MTA3: variants seen among roughly 807,000 people sequenced by gnomAD.
MTA3 encodes the protein metastasis-associated protein MTA3.
Under a neutral mutation model 83.5 loss-of-function variants are expected in MTA3, and 34 were observed. That is an observed-to-expected ratio of 0.41 (90% CI 0.31 to 0.54). The LOEUF (loss-of-function observed/expected upper bound fraction) is 0.54. Ranked by LOEUF, MTA3 falls within the 20% of genes least tolerant of loss-of-function variation. MTA3 has a pLI of 0.33. For missense variants in MTA3, 761 were observed against 726.4 expected, an observed-to-expected ratio of 1.05 and a Z score of -0.55; for synonymous variants, 303 against 252.7, an observed-to-expected ratio of 1.20 and a Z score of -1.89.
At chr2:42,694,199 C>T (rs1293086835) in intron 9 of MTA3, among the ~76,000 whole-genome samples, 12 of 152,058 alleles carry the variant, frequency 7.9e-5, no homozygotes, top group Non-Finnish European at 1.5e-4. Flanking sequence ...CATTTTTGCC[C>T]CTGAGCTGTA....
chr2:42,544,916 C>G (rs902129037), intron 2 of MTA3, among the ~76,000 whole-genome samples: 2 of 152,128 alleles, frequency 1.3e-5, no homozygotes, highest in African/African-American at 4.8e-5. Flanking sequence ...CCTGTAAGGA[C>G]AACTTCACAG....
At chr2:42,608,203 T>C (rs1683736532) in intron 3 of MTA3, among the ~76,000 whole-genome samples, 1 of 152,204 alleles carries the variant, frequency 6.6e-6, no homozygotes, top group African/African-American at 2.4e-5. Context: ...TTCAGTTAGC[T>C]GTGTCTTATA....
At chr2:42,667,570 T>TTATGTGTA (rs770325715) in intron 8 of MTA3, among the ~76,000 whole-genome samples, 1 of 145,010 alleles carries the variant, frequency 6.9e-6, no homozygotes, top group South Asian at 2.2e-4. Flanking sequence ...CATTTAAAAA[T>TTATGTGTA]TGTGTGTGTG....
intron 3 of MTA3, among the ~76,000 whole-genome samples, chr2:42,592,316 G>C (rs932183101): frequency 1.3e-5 from 2 of 152,034 alleles, no homozygotes; most frequent in African/African-American, 4.8e-5. Flanking sequence ...GGGCATAGTA[G>C]ATCATACCTG....
intron 8 of MTA3, among the ~76,000 whole-genome samples, chr2:42,670,371 C>T (rs1315765296): frequency 1.3e-5 from 2 of 152,122 alleles, no homozygotes; most frequent in African/African-American, 4.8e-5. Context: ...ATCTTTACCA[C>T]ATTTGCTTTA....
At chr2:42,677,788 C>G (rs1435315852) in intron 8 of MTA3, among the ~76,000 whole-genome samples, 1 of 152,166 alleles carries the variant, frequency 6.6e-6, no homozygotes, top group Non-Finnish European at 1.5e-5. Flanking sequence ...GTCCAATAAA[C>G]TTCTTTCTTT....
intron 16 of MTA3, among the ~76,000 whole-genome samples, chr2:42,751,002 C>G (rs1669836128): frequency 6.6e-6 from 1 of 152,214 alleles, no homozygotes; most frequent in Admixed American, 6.5e-5. Flanking sequence ...ACTCAGCTTT[C>G]CACACTGAAC....
chr2:42,697,058 G>A (rs1693453078), intron 10 of MTA3, among the ~76,000 whole-genome samples: 1 of 152,060 alleles, frequency 6.6e-6, no homozygotes, highest in African/African-American at 2.4e-5. Context: ...CTCCTCATTG[G>A]GAAAATAGAA....
chr2:42,525,919 C>G (rs1298405307), intron 2 of MTA3, among the ~76,000 whole-genome samples: 1 of 149,656 alleles, frequency 6.7e-6, no homozygotes, highest in Non-Finnish European at 1.5e-5. Flanking sequence ...CTCAGCCTCC[C>G]CAAGTGCTAG....
At chr2:42,726,623 G>C (rs1258721852) in intron 16 of MTA3, among the ~76,000 whole-genome samples, 1 of 152,058 alleles carries the variant, frequency 6.6e-6, no homozygotes, top group East Asian at 1.9e-4. Flanking sequence ...TTTTGTCCTT[G>C]CATTGCAGGT....
intron 3 of MTA3, among the ~76,000 whole-genome samples, chr2:42,599,441 C>T (rs1319148193): frequency 6.6e-6 from 1 of 151,618 alleles, no homozygotes; most frequent in East Asian, 1.9e-4. Flanking sequence ...AAAAAAAATA[C>T]AAAAATTAGC....
At chr2:42,549,500 T>TATA (rs374030418) in intron 2 of MTA3, among the ~76,000 whole-genome samples, 72,915 of 92,616 alleles carry the variant, frequency 0.79, 29,903 homozygotes, top group African/African-American at 0.95. Flanking sequence ...ATATATTATA[T>TATA]CATATATAAT....
At chr2:42,689,996 G>T (rs1692733127) in intron 9 of MTA3, among the ~76,000 whole-genome samples, 1 of 151,616 alleles carries the variant, frequency 6.6e-6, no homozygotes, top group African/African-American at 2.4e-5. Flanking sequence ...TGAAGCTTAG[G>T]GCTACAGATG....
chr2:42,734,038 G>A (rs1302023713), intron 16 of MTA3, among the ~76,000 whole-genome samples: 2 of 152,172 alleles, frequency 1.3e-5, no homozygotes, highest in East Asian at 3.8e-4. Context: ...TATTTATTGG[G>A]TTTGTTTGGT....
chr2:42,621,460 A>C (rs564451797), intron 4 of MTA3, among the ~76,000 whole-genome samples: 7 of 152,256 alleles, frequency 4.6e-5, no homozygotes, highest in Non-Finnish European at 8.8e-5. Flanking sequence ...AAGGTCATAG[A>C]TCAACAGCAT....
chr2:42,601,648 G>C (rs1230394757), intron 3 of MTA3, among the ~76,000 whole-genome samples: 1 of 152,202 alleles, frequency 6.6e-6, no homozygotes, highest in African/African-American at 2.4e-5. Context: ...TCGGCCTCCT[G>C]AGTAGCTGGG....
At chr2:42,750,868 C>T (rs1292220020) in intron 16 of MTA3, among the ~76,000 whole-genome samples, 1 of 152,208 alleles carries the variant, frequency 6.6e-6, no homozygotes, top group Non-Finnish European at 1.5e-5. Flanking sequence ...GGGAGAGCTT[C>T]TTGGGATCCA....
intron 16 of MTA3, among the ~76,000 whole-genome samples, chr2:42,739,335 A>G (rs1668853379): frequency 6.6e-6 from 1 of 150,648 alleles, no homozygotes; most frequent in Non-Finnish European, 1.5e-5. Flanking sequence ...TGTCTCAAAA[A>G]CAAACAGACA....
intron 9 of MTA3, among the ~76,000 whole-genome samples, chr2:42,690,799 C>T (rs939637026): frequency 6.6e-5 from 10 of 150,618 alleles, no homozygotes; most frequent in African/African-American, 1.7e-4. Context: ...CTCAGCCTCC[C>T]GAGTAGCTGG....
Sources: gnomAD v4.1 joint callset for allele counts (sites outside exome capture counted in the v4.1 genomes callset) on GRCh38, gnomAD v4.1.1 for gene constraint, MANE v1.5 for transcripts, NCBI Gene and HGNC (gene_info 2026-07-23, HGNC 2026-07-21) for gene names.